UNC5B: variants seen among roughly 807,000 people sequenced by gnomAD.
UNC5B encodes netrin receptor UNC5B.
In UNC5B, 56 loss-of-function variants were observed where a neutral mutation model predicts 103.7. The observed-to-expected ratio is 0.54, with a 90% CI of 0.44 to 0.67. UNC5B has a LOEUF of 0.67. Ranked by LOEUF, UNC5B falls within the 30% of genes least tolerant of loss-of-function variation. UNC5B has a pLI of 0.00. For synonymous variants in UNC5B, 577 were observed against 542.0 expected (o/e 1.06, Z -0.90); for missense variants, 1,194 against 1,284.5 (o/e 0.93, Z 1.08).
chr10:71,220,627 T>C (rs1843434697), intron 1 of UNC5B, among the ~76,000 whole-genome samples: 1 of 152,130 alleles, frequency 6.6e-6, no homozygotes, highest in African/African-American at 2.4e-5. Context: ...TTCTCATCTG[T>C]AAAATGGGGG....
chr10:71,283,333 C>G (rs2394785), intron 2 of UNC5B, among the ~76,000 whole-genome samples: 3 of 152,018 alleles, frequency 2.0e-5, no homozygotes, highest in African/African-American at 4.8e-5. Context: ...CCGGGCTGGG[C>G]GCTGTGGCGG....
intron 10 of UNC5B, 138 bp downstream of exon 10, chr10:71,291,959 G>GT (rs1845276306): frequency 1.5e-6 from 2 of 1,325,866 alleles, no homozygotes; most frequent in Admixed American, 5.8e-5. Flanking sequence ...AAGGCAGGAA[G>GT]TGAGTATAAA....
intron 1 of UNC5B, among the ~76,000 whole-genome samples, chr10:71,257,451 G>A (rs897935230): frequency 2.6e-5 from 4 of 152,222 alleles, no homozygotes; most frequent in South Asian, 4.1e-4. Flanking sequence ...CCACCCAGGC[G>A]AGTCACATAG....
rs1411676226 is a variant in UNC5B at position 71,296,607 on chromosome 10, C to T, written c.2355C>T (p.Gly785=). ...QEIPFYHIWS[G]SQKALHCTFT... is the part of the protein sequence containing the mutation. ...TCCCCTTCTATCACATTTGGAGTGGCAGCCAGAAGGCCCTCCACTGCACTT... is the reference window on the plus strand; with the variant it reads ...TCCCCTTCTATCACATTTGGAGTGGTAGCCAGAAGGCCCTCCACTGCACTT... The change falls in exon 15 of 17, where the codon GGC becomes GGT. Residue 785 remains glycine, a synonymous_variant. Coordinates refer to ENST00000335350, the MANE Select transcript of UNC5B (RefSeq NM_170744.5). 1.2e-6 allele frequency: 2 copies of T among 1,613,914 alleles called. No individual in the cohort carries two copies. Among genetic ancestry groups the T allele is most frequent in the South Asian group, 1.1e-5 (1 of 91,084 alleles).
At chr10:71,225,594 A>T (rs909208433) in intron 1 of UNC5B, among the ~76,000 whole-genome samples, 6 of 152,208 alleles carry the variant, frequency 3.9e-5, no homozygotes, top group Non-Finnish European at 7.3e-5. Flanking sequence ...TGCCATGCCC[A>T]CCAGAAGTTA....
At chr10:71,254,922 G>A (rs1274542904) in intron 1 of UNC5B, among the ~76,000 whole-genome samples, 1 of 152,146 alleles carries the variant, frequency 6.6e-6, no homozygotes, top group Non-Finnish European at 1.5e-5. Flanking sequence ...CCAAATGGTG[G>A]GAACTAAGTT....
chr10:71,282,845 A>G (rs1844965739), intron 2 of UNC5B, among the ~76,000 whole-genome samples: 1 of 151,770 alleles, frequency 6.6e-6, no homozygotes, highest in Non-Finnish European at 1.5e-5. Flanking sequence ...GGCCGGGCGC[A>G]GTGGCTCATG....
In UNC5B at chr10:71,291,361, G is replaced by A. The variant is rs1459532323; in HGVS notation, c.1295-71G>A. ...CTTTCACAGCTGGACATTTGGGTGG[G>A]ATTTTGCAGTGGGAGCTGGGCCAGT... On this transcript the variant is annotated intron_variant, in intron 9 of 16. Coordinates refer to ENST00000335350, the MANE Select transcript of UNC5B (RefSeq NM_170744.5). 9 of 1,523,114 alleles carry A rather than the reference G, an allele frequency of 5.9e-6. No homozygotes were observed. In the Admixed American group the frequency reaches 1.5e-4, roughly 25 times the overall value. The allele number at this position is 1,523,114 out of a possible 1,614,324, so 94.3% of individuals were successfully genotyped here.
At chr10:71,222,141 C>T (rs139446812) in intron 1 of UNC5B, among the ~76,000 whole-genome samples, 6 of 152,222 alleles carry the variant, frequency 3.9e-5, no homozygotes, top group Non-Finnish European at 8.8e-5. Context: ...ACTTGACTGG[C>T]CCTTGAAAGA....
rs572196966 is a variant in UNC5B, at chr10:71,287,864, G to T, written c.901+99G>T. On this transcript the variant is annotated intron_variant, in intron 6 of 16. Transcript: ENST00000335350. Reference sequence around the variant, plus strand: ...ACAGCCATTCTCTCCCCAGCATGGGGAGCAGAAGGTGCTTGTCCCGAGCCC... The same window carrying T: ...ACAGCCATTCTCTCCCCAGCATGGGTAGCAGAAGGTGCTTGTCCCGAGCCC... The T allele has an allele frequency of 2.0e-6, 3 of 1,481,016 alleles. No homozygotes were observed. In the South Asian group the frequency reaches 3.9e-5, roughly 19 times the overall value. 91.7% of individuals were successfully genotyped at this position (1,481,016 alleles called of 1,614,324 possible). A position where few individuals can be genotyped will look rare whatever the true frequency, so the allele number is the denominator to read the frequency against.
chr10:71,268,021 G>A (rs904398615), intron 1 of UNC5B, among the ~76,000 whole-genome samples: 6 of 152,180 alleles, frequency 3.9e-5, no homozygotes, highest in African/African-American at 9.7e-5. Context: ...TGGCCTCCCC[G>A]GGGCCCATGG....
At chr10:71,259,256 G>C (rs986529619) in intron 1 of UNC5B, among the ~76,000 whole-genome samples, 9 of 152,098 alleles carry the variant, frequency 5.9e-5, no homozygotes, top group Non-Finnish European at 1.2e-4. Context: ...AGGTGTGGTG[G>C]TGTGTGCCTG....
rs962184681 is a variant in UNC5B at position 71,224,712 on chromosome 10, T to G, written c.79+11648T>G. Among the ~76,000 whole-genome samples, 8 of 152,186 alleles carry G rather than the reference T, an allele frequency of 5.3e-5. No homozygotes were observed. In the East Asian group the frequency reaches 7.7e-4, roughly 15 times the overall value. On this transcript the variant is annotated intron_variant, in intron 1 of 16. Transcript: ENST00000335350. Reference sequence around the variant, plus strand: ...TTGGTTGTGGGGACATTAAAGGAAATGGGCATGGTCAGTGAAGGTCGGTTT... The same window carrying G: ...TTGGTTGTGGGGACATTAAAGGAAAGGGGCATGGTCAGTGAAGGTCGGTTT...
chr10:71,215,105 CT>C (rs1289138691), intron 1 of UNC5B, among the ~76,000 whole-genome samples: 1 of 152,226 alleles, frequency 6.6e-6, no homozygotes, highest in Non-Finnish European at 1.5e-5. Context: ...CCCACACAAT[CT>C]TGTTTTTCTC....
chr10:71,215,084 T>A (rs927349189), intron 1 of UNC5B, among the ~76,000 whole-genome samples: 1 of 152,206 alleles, frequency 6.6e-6, no homozygotes, highest in African/African-American at 2.4e-5. Flanking sequence ...AGGGAGAACA[T>A]GTCCCTTCCT....
At chr10:71,239,238 G>T (rs1485977838) in intron 1 of UNC5B, among the ~76,000 whole-genome samples, 1 of 152,176 alleles carries the variant, frequency 6.6e-6, no homozygotes, top group Non-Finnish European at 1.5e-5. Context: ...GATGGCATTG[G>T]GGGTAGTGGG....
At chr10:71,222,888 C>T (rs762327789) in intron 1 of UNC5B, among the ~76,000 whole-genome samples, 2 of 152,346 alleles carry the variant, frequency 1.3e-5, no homozygotes, top group Non-Finnish European at 1.5e-5. Flanking sequence ...TGGCTGGGGA[C>T]CTGGACACCC....
chr10:71,266,956 G>C (rs932890094), intron 1 of UNC5B, among the ~76,000 whole-genome samples: 1 of 152,026 alleles, frequency 6.6e-6, no homozygotes, highest in Non-Finnish European at 1.5e-5. Context: ...TGTCCACACT[G>C]TATACACCAT....
At chr10:71,299,060 CG>C in intron 16 of UNC5B, 51 bp from the exon 17 acceptor site, 2 of 1,604,050 alleles carry the variant, frequency 1.2e-6, no homozygotes, top group Non-Finnish European at 1.7e-6. Flanking sequence ...CTCCAGGCTC[CG>C]GGGAGGGGCT....
Sources: gnomAD v4.1 joint callset for allele counts (sites outside exome capture counted in the v4.1 genomes callset) on GRCh38, gnomAD v4.1.1 for gene constraint, MANE v1.5 for transcripts, NCBI Gene and HGNC (gene_info 2026-07-23, HGNC 2026-07-21) for gene names.